The following ACAP2 variants were observed in gnomAD, a reference collection of about 807,000 sequenced individuals.
ACAP2 encodes the protein ArfGAP with coiled-coil, ankyrin repeat and PH domains 2.
Under a neutral mutation model 115.8 loss-of-function variants are expected in ACAP2, and 39 were observed. That is an observed-to-expected ratio of 0.34 (90% CI 0.26 to 0.44). The LOEUF (loss-of-function observed/expected upper bound fraction) is 0.44, where lower values mean the gene tolerates loss of function less well. ACAP2 is among the 20% of genes least tolerant of loss of function. ACAP2 has a pLI of 1.00. For missense variants in ACAP2, 662 were observed against 927.6 expected, an observed-to-expected ratio of 0.71 and a Z score of 3.72; for synonymous variants, 289 against 315.8, an observed-to-expected ratio of 0.92 and a Z score of 0.90.
chr3:195,392,178 T>C (rs1734725034), intron 1 of ACAP2, 31 bp from the exon 2 acceptor site: 1 of 1,560,692 alleles, frequency 6.4e-7, no homozygotes, highest in African/African-American at 1.4e-5. Context: ...ATAAGTTATT[T>C]CGTTTGTTTA....
chr3:195,427,172 T>C (rs1560361270), intron 1 of ACAP2, among the ~76,000 whole-genome samples: 1 of 152,172 alleles, frequency 6.6e-6, no homozygotes, highest in Admixed American at 6.5e-5. Flanking sequence ...CCAAGGAATA[T>C]GGGCAGCCCT....
At chr3:195,432,315 T>A (rs185781075) in intron 1 of ACAP2, among the ~76,000 whole-genome samples, 1 of 152,328 alleles carries the variant, frequency 6.6e-6, no homozygotes, top group East Asian at 1.9e-4. Context: ...AGCTTTATAG[T>A]TTTAGGTCTT....
chr3:195,342,464 T>A lies in ACAP2; in HGVS notation c.528+7A>T. The A allele has an allele frequency of 6.3e-7, 1 of 1,592,260 alleles. No individual in the cohort carries two copies. Among genetic ancestry groups the A allele is most frequent in the Non-Finnish European group, 8.5e-7 (1 of 1,174,086 alleles). ...TCTGAAAACATACACAGTAAGAAAC[T>A]ATATACCTGAAGCACATAATCGAGG... On this transcript the variant is annotated splice_region_variant and intron_variant, in intron 6 of 22. Coordinates refer to ENST00000326793, the MANE Select transcript of ACAP2 (RefSeq NM_012287.6).
At chr3:195,306,363 GAAATT>G (rs1161334344) in intron 13 of ACAP2, 143 bp downstream of exon 13, 4 of 464,708 alleles carry the variant, frequency 8.6e-6, no homozygotes, top group East Asian at 3.4e-5. Context: ...AAACAAAAAA[GAAATT>G]AAATCCAGAT....
intron 4 of ACAP2, among the ~76,000 whole-genome samples, chr3:195,366,165 T>C (rs990983372): frequency 6.6e-6 from 1 of 152,150 alleles, no homozygotes; most frequent in Non-Finnish European, 1.5e-5. Context: ...TACTAATTTG[T>C]TTCTCCAAAC....
intron 6 of ACAP2, among the ~76,000 whole-genome samples, chr3:195,341,919 C>T (rs1019824939): frequency 6.6e-6 from 1 of 152,060 alleles, no homozygotes; most frequent in Non-Finnish European, 1.5e-5. Context: ...GTGTTGTCAC[C>T]TATAAGTAGG....
intron 20 of ACAP2, among the ~76,000 whole-genome samples, chr3:195,289,940 A>G (rs2108917104): frequency 6.6e-6 from 1 of 152,356 alleles, no homozygotes; most frequent in East Asian, 1.9e-4. Context: ...TAATAATACA[A>G]CAGCAAAGAA....
At chr3:195,296,903 A>C (rs1727688826) in intron 16 of ACAP2, among the ~76,000 whole-genome samples, 1 of 152,168 alleles carries the variant, frequency 6.6e-6, no homozygotes, top group Admixed American at 6.5e-5. Flanking sequence ...GAATGCTACC[A>C]TGGACAGAAC....
chr3:195,350,471 A>AC lies in ACAP2; in HGVS notation c.286-5155dup, dbSNP rs113358094. On this transcript the variant is annotated intron_variant, in intron 4 of 22. Coordinates refer to ENST00000326793, the MANE Select transcript of ACAP2 (RefSeq NM_012287.6). The stretch of plus-strand genomic sequence containing the variant: ...AGACCAGCCTTGGCAACAAAGTGAG[A>AC]CCCCCCAATCTCGACAAAAATTCAA... Among the ~76,000 whole-genome samples, 211 of 151,444 alleles carry AC rather than the reference A, an allele frequency of 1.4e-3. 2 individuals carry two copies. The highest frequency in any genetic ancestry group is 4.8e-3 in the African/African-American group (199 of 41,258).
At chr3:195,372,987 C>CA (rs869134113) in intron 4 of ACAP2, among the ~76,000 whole-genome samples, 1,125 of 17,504 alleles carry the variant, frequency 0.064, 106 homozygotes, top group Non-Finnish European at 0.098. Context: ...GACTCCATCT[C>CA]AAAAAAAAAA....
chr3:195,426,181 G>A (rs937403245), intron 1 of ACAP2, among the ~76,000 whole-genome samples: 2 of 151,820 alleles, frequency 1.3e-5, no homozygotes, highest in African/African-American at 2.4e-5. Context: ...CCTTCCTTCC[G>A]TTCCTTGAAG....
At chr3:195,407,563 C>T (rs144705686) in intron 1 of ACAP2, among the ~76,000 whole-genome samples, 12 of 152,062 alleles carry the variant, frequency 7.9e-5, no homozygotes, top group African/African-American at 2.2e-4. Flanking sequence ...AAAAATTAGC[C>T]GGGCATGGTG....
intron 1 of ACAP2, among the ~76,000 whole-genome samples, chr3:195,432,318 T>C (rs1467626288): frequency 6.6e-6 from 1 of 152,238 alleles, no homozygotes; most frequent in Non-Finnish European, 1.5e-5. Context: ...TTTATAGTTT[T>C]AGGTCTTCCA....
At chr3:195,378,319 C>T (rs756591017) in intron 4 of ACAP2, among the ~76,000 whole-genome samples, 11 of 151,770 alleles carry the variant, frequency 7.2e-5, no homozygotes, top group South Asian at 2.1e-4. Flanking sequence ...GTTGAAACCC[C>T]GTCTCTACTA....
At chr3:195,385,180 A>G (rs1327517340) in intron 2 of ACAP2, among the ~76,000 whole-genome samples, 3 of 151,954 alleles carry the variant, frequency 2.0e-5, no homozygotes, top group Non-Finnish European at 4.4e-5. Flanking sequence ...TGGGAGGCCA[A>G]GATGGGAGGA....
Position 195,276,929 on chromosome 3 carries a change from C to G in ACAP2, c.*2399G>C, listed in dbSNP as rs1243592507. 6.6e-6 allele frequency: 1 copy of G among 152,174 alleles called. No homozygotes were observed. Among genetic ancestry groups the G allele is most frequent in the East Asian group, 1.9e-4 (1 of 5,200 alleles). 9.4% of individuals were successfully genotyped at this position (152,174 alleles called of 1,614,324 possible). Reference sequence around the variant, plus strand: ...GCTCCCTGCAATATTAAAGATTTTGCTTTCTCTGAAGATATTCTGAACCAT... The same window carrying G: ...GCTCCCTGCAATATTAAAGATTTTGGTTTCTCTGAAGATATTCTGAACCAT... On this transcript the variant is annotated 3_prime_UTR_variant, in exon 23 of 23. Coordinates refer to ENST00000326793, the MANE Select transcript of ACAP2 (RefSeq NM_012287.6).
intron 4 of ACAP2, among the ~76,000 whole-genome samples, chr3:195,356,684 C>A (rs1731994420): frequency 6.6e-6 from 1 of 152,044 alleles, no homozygotes; most frequent in Non-Finnish European, 1.5e-5. Context: ...GTCGTGAGGT[C>A]CCCATTCTAG....
chr3:195,359,628 C>T (rs977621956), intron 4 of ACAP2, among the ~76,000 whole-genome samples: 6 of 152,092 alleles, frequency 3.9e-5, no homozygotes, highest in African/African-American at 1.4e-4. Flanking sequence ...CCACCACGCC[C>T]GGCTAATTTT....
At chr3:195,436,181 C>T (rs1268820581) in intron 1 of ACAP2, among the ~76,000 whole-genome samples, 6 of 150,494 alleles carry the variant, frequency 4.0e-5, no homozygotes, top group Admixed American at 4.0e-4. Flanking sequence ...GGCTGGAGTG[C>T]AGTGGCACGA....
Sources: gnomAD v4.1 joint callset for allele counts (sites outside exome capture counted in the v4.1 genomes callset) on GRCh38, gnomAD v4.1.1 for gene constraint, MANE v1.5 for transcripts, NCBI Gene and HGNC (gene_info 2026-07-23, HGNC 2026-07-21) for gene names.